Variants in TDRD6 observed in about 807,000 individuals in gnomAD.
TDRD6 encodes tudor domain-containing protein 6.
In TDRD6, 186 loss-of-function variants were observed where a neutral mutation model predicts 157.5. The ratio of observed to expected loss-of-function variants is 1.18; its 90% confidence interval spans 1.05 to 1.33. The LOEUF is 1.33. Among genes scored for constraint, TDRD6 ranks in the 40% most tolerant of loss-of-function variants. The pLI is 0.00. For synonymous variants in TDRD6, 1,075 were observed against 945.2 expected, an observed-to-expected ratio of 1.14 and a Z score of -2.52; for missense variants, 3,066 against 2,508.0, an observed-to-expected ratio of 1.22 and a Z score of -4.75.
In TDRD6 at chr6:46,691,681, G is replaced by A. The variant is rs758657674; in HGVS notation, c.3553G>A (p.Glu1185Lys). 1 of 1,611,982 alleles carries A rather than the reference G, an allele frequency of 6.2e-7. No individual in the cohort carries two copies. The highest frequency in any genetic ancestry group is 8.5e-7 in the Non-Finnish European group (1 of 1,179,460). Residue 1185 changes from glutamate to lysine, a missense_variant, in exon 1 of 4, where the codon GAG becomes AAG. By Grantham distance (56) the Glu-to-Lys change is moderately conservative. Transcript: ENST00000316081. ...AACTGAAACTCTTGAAGAAAAAAAT[G>A]AGAATATGAAGTTGCCATGTACAGA... is the stretch of plus-strand genomic sequence containing the variant. ...STTETLEEKN[E>K]NMKLPCTEYL...
At chr6:46,687,254 C>A (rs1417663073), upstream of TDRD6, among the ~76,000 whole-genome samples, 1 of 152,114 alleles carries the variant, frequency 6.6e-6, no homozygotes, top group Non-Finnish European at 1.5e-5. Flanking sequence ...TGTGCTAGCT[C>A]TGTGAGTAAA....
At position 46,688,487 on chromosome 6, in the gene TDRD6, T is replaced by A; in HGVS notation, c.359T>A (p.Phe120Tyr). 6.4e-7 allele frequency: 1 copy of A among 1,554,418 alleles called. No homozygotes were observed. The highest frequency in any genetic ancestry group is 8.7e-7 in the Non-Finnish European group (1 of 1,152,370). ...GSLAPGRREF[F>Y]NLPSEVLGCV... ...CTGGCGCCTGGGCGCAGAGAGTTCT[T>A]CAATTTGCCCTCGGAAGTGCTGGGC... Residue 120 changes from phenylalanine (F) to tyrosine (Y), a missense_variant, in exon 1 of 4, where the codon TTC (phenylalanine) becomes TAC (tyrosine). By Grantham distance (22) the Phe-to-Tyr change is conservative. Transcript: ENST00000316081.
rs759822026 is a variant in TDRD6, at chr6:46,689,581, A to G, written c.1453A>G (p.Met485Val). The G allele has an allele frequency of 3.1e-6, 5 of 1,614,050 alleles. No homozygotes were observed. In the African/African-American group the frequency reaches 4.0e-5, roughly 13 times the overall value. Residue 485 changes from methionine (M) to valine (V), a missense_variant, in exon 1 of 4, where the codon ATG becomes GTG. By Grantham distance (21) the Met-to-Val change is conservative. Coordinates refer to ENST00000316081, the MANE Select transcript of TDRD6 (RefSeq NM_001010870.3). ...AGCCTTAAGATCTATCAGGTTAAAG[A>G]TGAATGCCTTCTACGATGCGCAGGT... ...LPALRSIRLK[M>V]NAFYDAQVEF...
the TDRD6 span, among the ~76,000 whole-genome samples, chr6:46,682,125 C>G: frequency 1.3e-5 from 2 of 151,994 alleles, no homozygotes; most frequent in African/African-American, 4.8e-5. Flanking sequence ...AAAATATTAG[C>G]AAATTGAATC....
chr6:46,683,416 T>C (rs1344852602), upstream of TDRD6, among the ~76,000 whole-genome samples: 1 of 151,936 alleles, frequency 6.6e-6, no homozygotes, highest in Non-Finnish European at 1.5e-5. Context: ...TTACCTTGGG[T>C]TAGTAAAAGA....
intron 3 of TDRD6, among the ~76,000 whole-genome samples, chr6:46,699,232 G>A (rs1039255958): frequency 1.3e-5 from 2 of 152,168 alleles, no homozygotes; most frequent in African/African-American, 4.8e-5. Flanking sequence ...TAGCCAGACA[G>A]TATTTTTCTC....
rs780177408 is a variant in TDRD6, at chr6:46,689,849, A to C, written c.1721A>C (p.Asn574Thr). 1.9e-6 allele frequency: 3 copies of C among 1,614,184 alleles called. No homozygotes were observed. Among genetic ancestry groups the C allele is most frequent in the Admixed American group, 3.3e-5 (2 of 60,028 alleles). The part of the protein sequence containing the change: ...SVDVFLVDRG[N>T]SENVDWYDVR... ...GATGTATTCTTAGTTGACCGAGGCA[A>C]TTCGGAAAATGTGGACTGGTATGAC... is the stretch of plus-strand genomic sequence containing the variant. Residue 574 changes from asparagine to threonine, a missense_variant, in exon 1 of 4, where the codon AAT becomes ACT. Asn to Thr is a moderately conservative substitution (Grantham distance 65). Transcript: ENST00000316081.
intron 3 of TDRD6, 137 bp from the exon 4 acceptor site, chr6:46,701,721 C>G: frequency 1.4e-6 from 1 of 698,744 alleles, no homozygotes; most frequent in Non-Finnish European, 2.4e-6. Context: ...AAATAATGCC[C>G]TATAGTAATT....
upstream of TDRD6, chr6:46,687,796 G>T: frequency 3.6e-6 from 1 of 274,396 alleles, no homozygotes; most frequent in East Asian, 8.4e-5. Flanking sequence ...AAGCTCCTTG[G>T]GCCCTTAGGC....
rs1764352904 is a variant in TDRD6 at position 46,692,259 on chromosome 6, A to G, written c.4131A>G (p.Gln1377=). ...GGTATCGTGCTGTGATCAAGGAGCAACAACCCAATGACCTTCTCTCTGTGC... is the reference window on the plus strand; with the variant it reads ...GGTATCGTGCTGTGATCAAGGAGCAGCAACCCAATGACCTTCTCTCTGTGC... ...NLWYRAVIKE[Q]QPNDLLSVQF... is the part of the protein sequence containing the mutation. Residue 1377 remains glutamine, a synonymous_variant, in exon 1 of 4, where the codon CAA becomes CAG. Coordinates refer to ENST00000316081, the MANE Select transcript of TDRD6 (RefSeq NM_001010870.3). 1 of 1,614,044 alleles carries G rather than the reference A, an allele frequency of 6.2e-7. No individual in the cohort carries two copies. Among genetic ancestry groups the G allele is most frequent in the African/African-American group, 1.3e-5 (1 of 75,056 alleles).
chr6:46,680,340 A>G, the TDRD6 span, among the ~76,000 whole-genome samples: 1 of 152,146 alleles, frequency 6.6e-6, no homozygotes, highest in Non-Finnish European at 1.5e-5. Flanking sequence ...GAAAAAAAAA[A>G]AAAGAAAAGC....
chr6:46,689,800 A>G lies in TDRD6; in HGVS notation c.1672A>G (p.Thr558Ala), dbSNP rs574173856. 2 of 1,614,190 alleles carry G rather than the reference A, an allele frequency of 1.2e-6. No homozygotes were observed. Among genetic ancestry groups the G allele is most frequent in the East Asian group, 2.2e-5 (1 of 44,884 alleles). Reference protein sequence around the residue: ...KENGYYRAIVTKLDDKSVDVF... With the variant: ...KENGYYRAIVAKLDDKSVDVF... ...AAATGGTTATTATAGGGCCATAGTC[A>G]CCAAATTGGATGACAAGAGTGTGGA... Residue 558 changes from threonine to alanine, a missense_variant, in exon 1 of 4, where the codon ACC becomes GCC. Thr to Ala is a moderately conservative substitution (Grantham distance 58). Transcript: ENST00000316081.
rs764748546 is a variant in TDRD6, at chr6:46,690,492, G to A, written c.2364G>A (p.Trp788Ter). 8 of 1,613,978 alleles carry A rather than the reference G, an allele frequency of 5.0e-6. No individual in the cohort carries two copies. The highest frequency in any genetic ancestry group is 6.8e-6 in the Non-Finnish European group (8 of 1,179,978). The change falls in exon 1 of 4, where the codon TGG becomes TGA. Residue 788 changes from tryptophan to a stop codon, truncating the protein, a stop_gained. Coordinates refer to ENST00000316081, the MANE Select transcript of TDRD6 (RefSeq NM_001010870.3). LOFTEE classifies it high-confidence loss of function. ...VSYVENPGYFWCQLTRNIQGL... is the reference protein window; with the variant it reads ...VSYVENPGYF Reference sequence around the variant, plus strand: ...ATGTTGAAAACCCTGGCTATTTCTGGTGTCAGCTGACCAGGAACATACAAG... The same window carrying A: ...ATGTTGAAAACCCTGGCTATTTCTGATGTCAGCTGACCAGGAACATACAAG...
In TDRD6 at chr6:46,702,196, T is replaced by A; in HGVS notation, c.*309T>A. 1 of 229,060 alleles carries A rather than the reference T, an allele frequency of 4.4e-6. No homozygotes were observed. Among genetic ancestry groups the A allele is most frequent in the Non-Finnish European group, 8.4e-6 (1 of 119,022 alleles). 14.2% of individuals were successfully genotyped at this position (229,060 alleles called of 1,614,324 possible). On this transcript the variant is annotated 3_prime_UTR_variant, in exon 4 of 4. Coordinates refer to ENST00000316081, the MANE Select transcript of TDRD6 (RefSeq NM_001010870.3). ...CATTACATTTCAAAAACTATTTTGG[T>A]ACCTTTCAAATACAGTGTTTAAATT...
chr6:46,697,868 A>G, intron 2 of TDRD6, 130 bp from the exon 3 acceptor site: 1 of 426,346 alleles, frequency 2.3e-6, no homozygotes, highest in Non-Finnish European at 4.0e-6. Context: ...ATCCTGGGCA[A>G]TAGAGCAAGA....
chr6:46,690,526 A>T lies in TDRD6; in HGVS notation c.2398A>T (p.Thr800Ser), dbSNP rs756007798. 1.9e-6 allele frequency: 3 copies of T among 1,613,946 alleles called. 1 individual carries two copies. In the South Asian group the frequency reaches 3.3e-5, roughly 18 times the overall value. The part of the protein sequence containing the change: ...QLTRNIQGLK[T>S]LMSDIQYYCK... ...GACCAGGAACATACAAGGACTTAAA[A>T]CTCTAATGTCTGATATTCAGTACTA... Residue 800 changes from threonine (T) to serine (S), a missense_variant, in exon 1 of 4, where the codon ACT becomes TCT. Coordinates refer to ENST00000316081, the MANE Select transcript of TDRD6 (RefSeq NM_001010870.3).
chr6:46,700,989 C>A, intron 3 of TDRD6: 2 of 437,514 alleles, frequency 4.6e-6, no homozygotes, highest in South Asian at 3.5e-5. Context: ...TCAAAGGTTC[C>A]TTTTGTTAGG....
chr6:46,693,076 GGAAATGA>G lies in TDRD6; in HGVS notation c.4949_4955del (p.Gly1650AlafsTer6). 1 of 1,613,804 alleles carries G rather than the reference GGAAATGA, an allele frequency of 6.2e-7. No individual in the cohort carries two copies. ...TTCAGAAGGATTATGTTCTCAAGAG[GGAAATGA>G]CTATTTCTATGAAATAATAACAGAA... On this transcript the variant is annotated frameshift_variant, in exon 1 of 4. Coordinates refer to ENST00000316081, the MANE Select transcript of TDRD6 (RefSeq NM_001010870.3). LOFTEE classifies it high-confidence loss of function.
At chr6:46,683,342 A>G (rs539205485), upstream of TDRD6, among the ~76,000 whole-genome samples, 9 of 152,100 alleles carry the variant, frequency 5.9e-5, no homozygotes, top group African/African-American at 2.2e-4. Context: ...TACAAGAGCC[A>G]AAATTATAAA....
Sources: gnomAD v4.1 joint callset for allele counts (sites outside exome capture counted in the v4.1 genomes callset) on GRCh38, gnomAD v4.1.1 for gene constraint, MANE v1.5 for transcripts, NCBI Gene and HGNC (gene_info 2026-07-23, HGNC 2026-07-21) for gene names.